The following FBXL20 variants were observed in gnomAD, a reference collection of about 807,000 sequenced individuals.
FBXL20 encodes F-box/LRR-repeat protein 20.
Under a neutral mutation model 64.0 loss-of-function variants are expected in FBXL20, and 11 were observed. The ratio of observed to expected loss-of-function variants is 0.17; its 90% CI spans 0.11 to 0.28. The LOEUF is 0.28. FBXL20 is among the 10% of genes least tolerant of loss of function. The pLI, the probability that FBXL20 is intolerant of heterozygous loss-of-function variation, is 1.00. For missense variants in FBXL20, 303 were observed against 526.2 expected, an observed-to-expected ratio of 0.58 and a Z score of 4.15; for synonymous variants, 184 against 189.0, an observed-to-expected ratio of 0.97 and a Z score of 0.22.
intron 6 of FBXL20, 58 bp downstream of exon 6, chr17:39,297,069 T>C: frequency 8.1e-7 from 1 of 1,231,620 alleles, no homozygotes; most frequent in Non-Finnish European, 1.2e-6. Context: ...GAATTTAAGG[T>C]TGTATCAGCC....
At chr17:39,354,897 G>C (rs779288065) in intron 1 of FBXL20, among the ~76,000 whole-genome samples, 1 of 152,006 alleles carries the variant, frequency 6.6e-6, no homozygotes, top group Non-Finnish European at 1.5e-5. Context: ...TTATTTCAAG[G>C]GATGTTCACC....
At chr17:39,286,566 AGGTG>A in intron 6 of FBXL20, among the ~76,000 whole-genome samples, 1 of 152,164 alleles carries the variant, frequency 6.6e-6, no homozygotes, top group East Asian at 1.9e-4. Context: ...TGGGAGGCTG[AGGTG>A]GGTGGATCAC....
intron 1 of FBXL20, among the ~76,000 whole-genome samples, chr17:39,392,451 A>G (rs552118617): frequency 5.9e-4 from 90 of 151,972 alleles, no homozygotes; most frequent in South Asian, 2.1e-3. Flanking sequence ...AAAAAAAAAA[A>G]AAAAGAAAAG....
intron 6 of FBXL20, among the ~76,000 whole-genome samples, chr17:39,290,468 T>C (rs1259904761): frequency 6.6e-6 from 1 of 152,300 alleles, no homozygotes; most frequent in East Asian, 1.9e-4. Flanking sequence ...TTAGGGAATC[T>C]TTGATCTCAG....
chr17:39,280,541 T>C (rs895186777), intron 9 of FBXL20, among the ~76,000 whole-genome samples: 2 of 150,840 alleles, frequency 1.3e-5, no homozygotes, highest in Non-Finnish European at 2.9e-5. Flanking sequence ...CCCTTGAGCC[T>C]GGGTGACAGA....
intron 2 of FBXL20, among the ~76,000 whole-genome samples, chr17:39,329,509 TC>T (rs1325484615): frequency 6.6e-6 from 1 of 152,166 alleles, no homozygotes; most frequent in East Asian, 1.9e-4. Flanking sequence ...GAACAGGGTC[TC>T]TGGATTACAT....
At chr17:39,290,964 ATTTTTTT>A (rs1555604835) in intron 6 of FBXL20, among the ~76,000 whole-genome samples, 6 of 144,004 alleles carry the variant, frequency 4.2e-5, no homozygotes, top group Non-Finnish European at 7.7e-5. Context: ...TCCATTCTGT[ATTTTTTT>A]TTTTTTTTAA....
intron 3 of FBXL20, among the ~76,000 whole-genome samples, chr17:39,302,455 G>C (rs1315024421): frequency 6.7e-6 from 1 of 149,430 alleles, no homozygotes; most frequent in Non-Finnish European, 1.5e-5. Context: ...CTCACTGCAA[G>C]CTCCACCTCC....
At chr17:39,337,789 G>A (rs942855256) in intron 2 of FBXL20, among the ~76,000 whole-genome samples, 25 of 150,942 alleles carry the variant, frequency 1.7e-4, no homozygotes, top group South Asian at 4.2e-4. Context: ...GTCAGCCCCC[G>A]CCAGGCCAGC....
chr17:39,359,071 C>T (rs1357851596), intron 1 of FBXL20, among the ~76,000 whole-genome samples: 2 of 152,196 alleles, frequency 1.3e-5, no homozygotes, highest in African/African-American at 2.4e-5. Context: ...CAGTGGCTCA[C>T]GCCTATAATC....
intron 1 of FBXL20, among the ~76,000 whole-genome samples, chr17:39,350,319 A>T (rs1224486017): frequency 6.6e-5 from 10 of 151,958 alleles, no homozygotes; most frequent in Non-Finnish European, 1.0e-4. Context: ...GAGAAACCCC[A>T]TCTCTACTAA....
chr17:39,301,002 T>G lies in FBXL20; in HGVS notation c.233A>C (p.Glu78Ala). The part of the protein sequence containing the change: ...IDLFDFQRDI[E>A]GRVVENISKR... ...GGGCCACACACCACATAATTATACC[T>G]CAATATCCCTCTGGAAATCAAATAG... The change falls in exon 4 of 15, where the codon GAG becomes GCG. Residue 78 changes from glutamate to alanine, a missense_variant and splice_region_variant. Transcript: ENST00000264658. 1 of 1,613,776 alleles carries G rather than the reference T, an allele frequency of 6.2e-7. No individual in the cohort carries two copies. Among genetic ancestry groups the G allele is most frequent in the Non-Finnish European group, 8.5e-7 (1 of 1,179,854 alleles).
chr17:39,398,093 C>T (rs2048204564), intron 1 of FBXL20, among the ~76,000 whole-genome samples: 1 of 135,028 alleles, frequency 7.4e-6, no homozygotes, highest in Non-Finnish European at 1.6e-5. Context: ...ACCAGCCTGG[C>T]CAACATGGTG....
intron 1 of FBXL20, among the ~76,000 whole-genome samples, chr17:39,370,982 G>C (rs1242992967): frequency 1.3e-5 from 2 of 152,082 alleles, no homozygotes; most frequent in African/African-American, 2.4e-5. Flanking sequence ...ACTTTTGGAG[G>C]CTGAGGCGGG....
At chr17:39,376,666 T>A (rs1269803485) in intron 1 of FBXL20, among the ~76,000 whole-genome samples, 1 of 152,164 alleles carries the variant, frequency 6.6e-6, no homozygotes, top group African/African-American at 2.4e-5. Flanking sequence ...GAATTTGCGG[T>A]TCTAGGTATT....
intron 1 of FBXL20, among the ~76,000 whole-genome samples, chr17:39,396,969 A>AC (rs34677223): frequency 0.36 from 54,185 of 149,402 alleles, 12,489 homozygotes; most frequent in African/African-American, 0.65. Context: ...AAAAAAAAAA[A>AC]AAAAAAATCC....
intron 2 of FBXL20, among the ~76,000 whole-genome samples, chr17:39,318,988 C>T (rs984230700): frequency 4.7e-5 from 7 of 149,958 alleles, no homozygotes; most frequent in South Asian, 2.1e-4. Flanking sequence ...TGGTGGCTCA[C>T]GCCTGTAATC....
At chr17:39,384,716 T>A (rs2048060686) in intron 1 of FBXL20, among the ~76,000 whole-genome samples, 1 of 151,814 alleles carries the variant, frequency 6.6e-6, no homozygotes, top group South Asian at 2.1e-4. Flanking sequence ...CAGCACTTTG[T>A]GAGGCTGAGG....
intron 1 of FBXL20, among the ~76,000 whole-genome samples, chr17:39,383,561 CAG>C (rs1244017302): frequency 6.6e-6 from 1 of 150,610 alleles, no homozygotes; most frequent in Non-Finnish European, 1.5e-5. Context: ...TAGGTAGTGT[CAG>C]AGTCTCTTTT....
Sources: gnomAD v4.1 joint callset for allele counts (sites outside exome capture counted in the v4.1 genomes callset) on GRCh38, gnomAD v4.1.1 for gene constraint, MANE v1.5 for transcripts, NCBI Gene and HGNC (gene_info 2026-07-23, HGNC 2026-07-21) for gene names.